The following NWD1 variants were observed in gnomAD, a reference collection of about 807,000 sequenced individuals.
NWD1 encodes NACHT and WD repeat domain containing 1.
In NWD1, 129 loss-of-function variants were observed where a neutral mutation model predicts 135.1. That is an observed-to-expected ratio of 0.96 (90% confidence interval 0.83 to 1.11). The LOEUF is 1.11. NWD1 is among the 50% of genes least tolerant of loss of function. The pLI is 0.00. For missense variants in NWD1, 1,740 were observed against 1,851.3 expected (o/e 0.94, Z 1.10); for synonymous variants, 773 against 786.0 (o/e 0.98, Z 0.28).
intron 9 of NWD1, 94 bp from the exon 10 acceptor site, chr19:16,764,940 G>A (rs914361101): frequency 1.1e-5 from 15 of 1,347,286 alleles, no homozygotes; most frequent in Middle Eastern, 2.1e-4. Flanking sequence ...AGCCTGAGAT[G>A]CCCTGGAGGA....
intron 11 of NWD1, among the ~76,000 whole-genome samples, chr19:16,776,543 G>C (rs1406913595): frequency 2.0e-5 from 3 of 151,244 alleles, no homozygotes; most frequent in African/African-American, 7.3e-5. Flanking sequence ...ACTCCAGCCT[G>C]GGCGAAAGAG....
rs111789529 is a variant in NWD1 at position 16,797,595 on chromosome 19, G to C, written c.3305-137G>C. 47 of 729,588 alleles carry C rather than the reference G, an allele frequency of 6.4e-5. No individual in the cohort carries two copies. In the Admixed American group the frequency reaches 1.2e-3, roughly 19 times the overall value. The allele number at this position is 729,588 out of a possible 1,614,324, so 45.2% of individuals were successfully genotyped here. ...ACTCCTGACCTCGAGTGATCTGCCC[G>C]CCTTGGCGTCCCAAAGTGCTGGGAT... On this transcript the variant is annotated intron_variant, in intron 15 of 18. Coordinates refer to ENST00000524140, the MANE Select transcript of NWD1 (RefSeq NM_001007525.5).
In NWD1 at chr19:16,749,807, A is replaced by C. The variant is rs1361978446; in HGVS notation, c.1165A>C (p.Ile389Leu). The C allele has an allele frequency of 4.4e-6, 7 of 1,606,840 alleles. No individual in the cohort carries two copies. In the South Asian group the frequency reaches 6.6e-5, roughly 15 times the overall value. Residue 389 changes from isoleucine (I) to leucine (L), a missense_variant, in exon 6 of 19, where the codon ATC becomes CTC. Coordinates refer to ENST00000524140, the MANE Select transcript of NWD1 (RefSeq NM_001007525.5). ...SSDARGLLKS[I>L]CFQVCLAYGL... Reference sequence around the variant, plus strand: ...AGATGCCCGTGGCCTGCTGAAGAGCATCTGCTTCCAGGTGTGCCTGGCCTA... The same window carrying C: ...AGATGCCCGTGGCCTGCTGAAGAGCCTCTGCTTCCAGGTGTGCCTGGCCTA...
intron 17 of NWD1, among the ~76,000 whole-genome samples, chr19:16,801,879 C>T (rs139225696): frequency 9.9e-4 from 150 of 152,076 alleles, no homozygotes; most frequent in African/African-American, 3.2e-3. Context: ...TTAGTTCTCG[C>T]GAGGTTGTTA....
At chr19:16,765,609 T>C (rs1317868319) in intron 10 of NWD1, among the ~76,000 whole-genome samples, 1 of 152,102 alleles carries the variant, frequency 6.6e-6, no homozygotes, top group Non-Finnish European at 1.5e-5. Flanking sequence ...GCTAGGATTA[T>C]AGATAGACAT....
At chr19:16,750,490 T>C (rs1395954017) in intron 6 of NWD1, 79 bp downstream of exon 6, 7 of 1,162,124 alleles carry the variant, frequency 6.0e-6, no homozygotes, top group East Asian at 2.6e-5. Context: ...GGTCTGGCTA[T>C]GTCACCCAGG....
At chr19:16,788,719 C>T (rs1355510092) in intron 12 of NWD1, among the ~76,000 whole-genome samples, 1 of 152,008 alleles carries the variant, frequency 6.6e-6, no homozygotes, top group African/African-American at 2.4e-5. Context: ...AGCCTTTGTG[C>T]AAGGTTGTGA....
chr19:16,765,899 C>T (rs1274241296), intron 10 of NWD1, among the ~76,000 whole-genome samples: 1 of 151,714 alleles, frequency 6.6e-6, no homozygotes, highest in Non-Finnish European at 1.5e-5. Context: ...CACCTGTAGT[C>T]CCAGCTACTC....
At chr19:16,757,349 C>T (rs941435213) in intron 6 of NWD1, among the ~76,000 whole-genome samples, 1 of 152,142 alleles carries the variant, frequency 6.6e-6, no homozygotes, top group African/African-American at 2.4e-5. Flanking sequence ...GGGAGCCTCA[C>T]TTCCTCCTCC....
rs575560562 is a variant in NWD1, at chr19:16,760,058, G to A, written c.1973+630G>A. Among the ~76,000 whole-genome samples, 3 of 151,986 alleles carry A rather than the reference G, an allele frequency of 2.0e-5. No homozygotes were observed. The South Asian group carries it at 6.2e-4, about 32-fold the overall frequency. On this transcript the variant is annotated intron_variant, in intron 7 of 18. Transcript: ENST00000524140. The stretch of plus-strand genomic sequence containing the variant: ...TGGTCCCAGCTACTTGGGAGGCTGA[G>A]GTGGGAGGATCACTTGAGCCCAGGA...
In NWD1 at chr19:16,807,810, A is replaced by G. The variant is rs1297909953; in HGVS notation, c.3961A>G (p.Ile1321Val). 5 of 1,614,000 alleles carry G rather than the reference A, an allele frequency of 3.1e-6. No individual in the cohort carries two copies. The East Asian group carries it at 1.1e-4, about 36-fold the overall frequency. Reference sequence around the variant, plus strand: ...CCGCCTGGCCATCGCCTATGACAACATCGTCCTGGTGCTGGACATCACCTC... The same window carrying G: ...CCGCCTGGCCATCGCCTATGACAACGTCGTCCTGGTGCTGGACATCACCTC... ...EDRLAIAYDN[I>V]VLVLDITSGD... The change falls in exon 18 of 19, where the codon ATC becomes GTC. Residue 1321 changes from isoleucine (I) to valine (V), a missense_variant. Ile to Val is a conservative substitution (Grantham distance 29, BLOSUM62 3). Coordinates refer to ENST00000524140, the MANE Select transcript of NWD1 (RefSeq NM_001007525.5).
intron 10 of NWD1, among the ~76,000 whole-genome samples, chr19:16,770,326 T>A (rs967949210): frequency 6.6e-6 from 1 of 152,136 alleles, no homozygotes; most frequent in Non-Finnish European, 1.5e-5. Context: ...CTTCCCCCTT[T>A]GCTCAGCTCT....
At chr19:16,755,268 T>C (rs963750217) in intron 6 of NWD1, among the ~76,000 whole-genome samples, 2 of 152,116 alleles carry the variant, frequency 1.3e-5, no homozygotes, top group Non-Finnish European at 2.9e-5. Context: ...CAGACTGGAG[T>C]GCACTGAAGC....
chr19:16,759,003 C>CAAAAAAAAAAA, intron 6 of NWD1, among the ~76,000 whole-genome samples: 1 of 74,940 alleles, frequency 1.3e-5, no homozygotes, highest in African/African-American at 4.8e-5. Flanking sequence ...AACTCTGTCT[C>CAAAAAAAAAAA]AAAAAAAAAA....
At chr19:16,780,840 G>C (rs1969828979) in intron 12 of NWD1, among the ~76,000 whole-genome samples, 1 of 151,826 alleles carries the variant, frequency 6.6e-6, no homozygotes, top group Non-Finnish European at 1.5e-5. Flanking sequence ...GTATTTTTTG[G>C]TAGAGACAGG....
At chr19:16,767,248 C>T (rs1416105399) in intron 10 of NWD1, among the ~76,000 whole-genome samples, 1 of 138,056 alleles carries the variant, frequency 7.2e-6, no homozygotes, top group African/African-American at 2.6e-5. Flanking sequence ...GGTGCGATCT[C>T]GGCTCACTGC....
At position 16,791,568 on chromosome 19, in the gene NWD1, A is replaced by G. The variant is rs143023355; in HGVS notation, c.3159A>G (p.Ser1053=). 4.3e-6 allele frequency: 7 copies of G among 1,614,214 alleles called. No individual in the cohort carries two copies. The African/African-American group carries it at 9.3e-5, about 22-fold the overall frequency. ...AAGAAACACCTACCTGTGCCGTCTC[A>G]GTCCAGAAGCAAGGAAAGCTTGTTA... ...IKEETPTCAV[S]VQKQGKLVTG... Residue 1053 remains serine, a synonymous_variant, in exon 14 of 19, where the codon TCA becomes TCG. Coordinates refer to ENST00000524140, the MANE Select transcript of NWD1 (RefSeq NM_001007525.5).
At chr19:16,736,560 T>C (rs1029822453) in intron 3 of NWD1, 74 bp from the exon 4 acceptor site, 2 of 970,190 alleles carry the variant, frequency 2.1e-6, no homozygotes, top group Admixed American at 4.1e-5. Flanking sequence ...ACTTTCTGCT[T>C]TGTCAAAAGG....
At chr19:16,765,232 C>T (rs1396446961) in intron 10 of NWD1, 40 bp downstream of exon 10, 1 of 1,588,848 alleles carries the variant, frequency 6.3e-7, no homozygotes. Context: ...CCAGGACGGG[C>T]ACTGACTTCT....
Sources: gnomAD v4.1 joint callset for allele counts (sites outside exome capture counted in the v4.1 genomes callset) on GRCh38, gnomAD v4.1.1 for gene constraint, MANE v1.5 for transcripts, NCBI Gene and HGNC (gene_info 2026-07-23, HGNC 2026-07-21) for gene names.